Variants in SLC25A31 observed in about 807,000 individuals in gnomAD.
SLC25A31 encodes the protein ADP/ATP translocase 4.
Under a neutral mutation model 36.2 loss-of-function variants are expected in SLC25A31, and 40 were observed. That is an observed-to-expected ratio of 1.10 (90% CI 0.86 to 1.44). The LOEUF is 1.44. Among genes scored for constraint, SLC25A31 ranks in the 40% most tolerant of loss-of-function variants. The pLI is 0.00. For synonymous variants in SLC25A31, 143 were observed against 149.7 expected (o/e 0.96, Z 0.32); for missense variants, 350 against 397.1 (o/e 0.88, Z 1.01).
chr4:127,731,393 T>A (rs1168660081), intron 1 of SLC25A31, among the ~76,000 whole-genome samples: 2 of 150,896 alleles, frequency 1.3e-5, no homozygotes, highest in Non-Finnish European at 3.0e-5. Flanking sequence ...AACCCAACCC[T>A]CAGTCATCAA....
chr4:127,756,101 A>G (rs1293155028), intron 2 of SLC25A31, among the ~76,000 whole-genome samples: 1 of 152,188 alleles, frequency 6.6e-6, no homozygotes, highest in Admixed American at 6.5e-5. Context: ...ATCCAAAGGA[A>G]TTGAAATCAG....
At chr4:127,740,869 G>A (rs2148754735) in intron 1 of SLC25A31, among the ~76,000 whole-genome samples, 2 of 152,256 alleles carry the variant, frequency 1.3e-5, no homozygotes, top group South Asian at 4.1e-4. Context: ...AGGGTAGGGT[G>A]GCTCAGGCTG....
intron 2 of SLC25A31, among the ~76,000 whole-genome samples, chr4:127,764,016 T>C (rs1226387785): frequency 6.6e-6 from 1 of 152,182 alleles, no homozygotes; most frequent in African/African-American, 2.4e-5. Flanking sequence ...GGAATTTCAG[T>C]ATGTCAGCAT....
intron 2 of SLC25A31, among the ~76,000 whole-genome samples, chr4:127,754,743 T>C (rs766615392): frequency 9.2e-5 from 14 of 152,136 alleles, no homozygotes; most frequent in Non-Finnish European, 1.6e-4. Context: ...ATGCCCCTAC[T>C]ATCCAAAATA....
intron 2 of SLC25A31, among the ~76,000 whole-genome samples, chr4:127,761,206 T>G (rs1732123089): frequency 1.3e-5 from 2 of 151,894 alleles, no homozygotes; most frequent in Non-Finnish European, 2.9e-5. Flanking sequence ...CCCCTGTCGT[T>G]TTTTCATAGC....
chr4:127,756,748 G>A (rs1222942558), intron 2 of SLC25A31, among the ~76,000 whole-genome samples: 3 of 151,950 alleles, frequency 2.0e-5, no homozygotes, highest in Non-Finnish European at 2.9e-5. Flanking sequence ...CCATTGTACC[G>A]AAAAATTTTT....
intron 2 of SLC25A31, among the ~76,000 whole-genome samples, chr4:127,756,897 G>A (rs1258904980): frequency 6.6e-6 from 1 of 152,140 alleles, no homozygotes; most frequent in Non-Finnish European, 1.5e-5. Context: ...GTGGAAAAAA[G>A]TATGGCGATT....
intron 2 of SLC25A31, among the ~76,000 whole-genome samples, chr4:127,762,699 A>C (rs551551642): frequency 6.4e-4 from 98 of 152,192 alleles, no homozygotes; most frequent in Admixed American, 1.3e-3. Flanking sequence ...CAGGCGGATC[A>C]CGAGGTCAGG....
At chr4:127,754,247 A>G (rs1002358474) in intron 2 of SLC25A31, among the ~76,000 whole-genome samples, 19 of 152,068 alleles carry the variant, frequency 1.2e-4, no homozygotes, top group African/African-American at 4.3e-4. Flanking sequence ...AACCAGACAC[A>G]CTCACCACTT....
At position 127,730,766 on chromosome 4, in the gene SLC25A31, C is replaced by CT; in HGVS notation, c.222dup (p.Arg75SerfsTer30). The CT allele has an allele frequency of 1.9e-6, 3 of 1,610,094 alleles. No homozygotes were observed. The South Asian group carries it at 3.3e-5, about 18-fold the overall frequency. On this transcript the variant is annotated frameshift_variant, in exon 1 of 6. Coordinates refer to ENST00000281154, the MANE Select transcript of SLC25A31 (RefSeq NM_031291.4). LOFTEE classifies it high-confidence loss of function. ...ATGGTGGACTGCCTGGTGCGGATTC[C>CT]TCGCGAGCAGGGTGCGTCAAGGCAG...
intron 5 of SLC25A31, among the ~76,000 whole-genome samples, chr4:127,771,810 A>G (rs573552788): frequency 6.6e-6 from 1 of 152,326 alleles, no homozygotes; most frequent in Admixed American, 6.5e-5. Context: ...TTTAATTATG[A>G]ATGGCAGTCA....
chr4:127,763,154 C>T (rs776759999), intron 2 of SLC25A31, among the ~76,000 whole-genome samples: 1 of 152,040 alleles, frequency 6.6e-6, no homozygotes, highest in Non-Finnish European at 1.5e-5. Context: ...TGGGATTCAA[C>T]TTTAATTCTC....
intron 2 of SLC25A31, among the ~76,000 whole-genome samples, chr4:127,754,528 C>T: frequency 9.8e-6 from 1 of 102,548 alleles, no homozygotes; most frequent in East Asian, 2.6e-4. Context: ...ATAACATTTA[C>T]AATAGCTTTA....
At chr4:127,731,571 T>A (rs1731526745) in intron 1 of SLC25A31, among the ~76,000 whole-genome samples, 1 of 152,150 alleles carries the variant, frequency 6.6e-6, no homozygotes, top group Non-Finnish European at 1.5e-5. Context: ...TAGCCGGGCG[T>A]GGTGGCGCAC....
At chr4:127,733,015 C>T (rs1055719148) in intron 1 of SLC25A31, among the ~76,000 whole-genome samples, 2 of 152,200 alleles carry the variant, frequency 1.3e-5, no homozygotes, top group African/African-American at 4.8e-5. Context: ...TAGATCTCCC[C>T]TTCGATTTTC....
Position 127,773,278 on chromosome 4 carries a change from T to C in SLC25A31, c.760-108T>C, listed in dbSNP as rs566344090. 1.4e-4 allele frequency: 142 copies of C among 984,476 alleles called. No homozygotes were observed. The African/African-American group carries it at 2.2e-3, about 15-fold the overall frequency. The allele number at this position is 984,476 out of a possible 1,614,324, so 61.0% of individuals were successfully genotyped here. On this transcript the variant is annotated intron_variant, in intron 5 of 5. Transcript: ENST00000281154. ...TAGCCATATATGCCTATTAACACAGTGCTACTCAACACAGTGTTTATCTTA... is the reference window on the plus strand; with the variant it reads ...TAGCCATATATGCCTATTAACACAGCGCTACTCAACACAGTGTTTATCTTA...
At chr4:127,751,599 G>T (rs1404685098) in intron 2 of SLC25A31, among the ~76,000 whole-genome samples, 1 of 152,152 alleles carries the variant, frequency 6.6e-6, no homozygotes, top group Non-Finnish European at 1.5e-5. Flanking sequence ...AAGAGCTTCT[G>T]CACAGCAAAA....
intron 1 of SLC25A31, among the ~76,000 whole-genome samples, chr4:127,741,004 G>T (rs765971588): frequency 1.3e-5 from 2 of 152,142 alleles, no homozygotes; most frequent in African/African-American, 4.8e-5. Context: ...AATGTTTCGT[G>T]TATGCTATTG....
intron 1 of SLC25A31, among the ~76,000 whole-genome samples, chr4:127,734,171 A>G (rs1180774836): frequency 6.6e-6 from 1 of 152,346 alleles, no homozygotes; most frequent in East Asian, 1.9e-4. Context: ...CACCACAATT[A>G]ACATTTTGGT....
Sources: gnomAD v4.1 joint callset for allele counts (sites outside exome capture counted in the v4.1 genomes callset) on GRCh38, gnomAD v4.1.1 for gene constraint, MANE v1.5 for transcripts, NCBI Gene and HGNC (gene_info 2026-07-23, HGNC 2026-07-21) for gene names.